Variants in ENO1 observed in about 807,000 individuals in gnomAD.
ENO1 encodes alpha-enolase.
A neutral mutation model predicts 46.3 loss-of-function variants in ENO1; 33 were observed. The observed-to-expected ratio is 0.71, with a 90% CI of 0.54 to 0.95. The LOEUF is 0.95. Among genes scored for constraint, ENO1 ranks in the 40% least tolerant of loss-of-function variants. The probability of loss-of-function intolerance (pLI) is 0.00; values close to 1 mark genes in which losing one functional copy is unlikely to be tolerated. For missense variants in ENO1, 488 were observed against 553.3 expected (o/e 0.88, Z 1.18); for synonymous variants, 220 against 216.0 (o/e 1.02, Z -0.16).
intron 3 of ENO1, chr1:8,871,162 G>C (rs1040816737): frequency 9.0e-7 from 1 of 1,109,970 alleles, no homozygotes; most frequent in Admixed American, 4.9e-5. Context: ...CATTAAAGCG[G>C]GACTGAACAC....
chr1:8,868,061 C>T lies in ENO1; in HGVS notation c.241-4G>A, dbSNP rs749993854. Reference sequence around the variant, plus strand: ...CTTGTTCTGTGACGTTCAGTTTCTACGAGGGAGAGGGGAGAATGAGGGGTT... The same window carrying T: ...CTTGTTCTGTGACGTTCAGTTTCTATGAGGGAGAGGGGAGAATGAGGGGTT... On this transcript the variant is annotated splice_polypyrimidine_tract_variant and splice_region_variant and intron_variant, in intron 4 of 11. Coordinates refer to ENST00000234590, the MANE Select transcript of ENO1 (RefSeq NM_001428.5). 5.6e-6 allele frequency: 9 copies of T among 1,612,742 alleles called. No individual in the cohort carries two copies. The highest frequency in any genetic ancestry group is 4.5e-5 in the East Asian group (2 of 44,862).
At chr1:8,870,221 G>C (rs748051463) in intron 4 of ENO1, 4 of 547,866 alleles carry the variant, frequency 7.3e-6, no homozygotes, top group Middle Eastern at 9.8e-4. Context: ...AGAAACCTCA[G>C]GGCTCGAAGT....
intron 2 of ENO1, 114 bp downstream of exon 2, chr1:8,874,710 C>T: frequency 2.2e-6 from 2 of 912,228 alleles, no homozygotes; most frequent in Non-Finnish European, 3.3e-6. Flanking sequence ...CATGTGCAGA[C>T]AGAAAGAAAA....
chr1:8,875,007 A>G, intron 1 of ENO1, 90 bp from the exon 2 acceptor site: 1 of 1,096,542 alleles, frequency 9.1e-7, no homozygotes, highest in African/African-American at 1.6e-5. Flanking sequence ...AGGTTCGTGG[A>G]CTAGAGAGAA....
At position 8,867,196 on chromosome 1, in the gene ENO1, C is replaced by T; in HGVS notation, c.365G>A (p.Gly122Asp). The T allele has an allele frequency of 6.2e-7, 1 of 1,614,194 alleles. No homozygotes were observed. The highest frequency in any genetic ancestry group is 8.5e-7 in the Non-Finnish European group (1 of 1,180,020). The part of the protein sequence containing the change: ...LGVSLAVCKA[G>D]AVEKGVPLYR... ...CAGGGGGACCCCCTTCTCAACGGCA[C>T]CAGCTTTGCAGACGGCAAGGGACAC... Residue 122 changes from glycine to aspartate, a missense_variant, in exon 6 of 12, where the codon GGT (glycine) becomes GAT (aspartate). By Grantham distance (94) the Gly-to-Asp change is moderately conservative. Transcript: ENST00000234590.
At chr1:8,865,264 T>A in intron 8 of ENO1, 21 bp downstream of exon 8, 1 of 1,611,994 alleles carries the variant, frequency 6.2e-7, no homozygotes. Flanking sequence ...GAAAGGGAGA[T>A]GGCACTCGGG....
In ENO1 at chr1:8,870,438, GAGGCAGGTCCTACCTTGCTAACC is replaced by G. The variant is rs1434027469; in HGVS notation, c.231_240+13del. On this transcript the variant is annotated splice_donor_variant and splice_donor_5th_base_variant and coding_sequence_variant and intron_variant, in exon 4 of 12. Transcript: ENST00000234590. LOFTEE classifies it high-confidence loss of function. ...TGGCATTAGACACATTAGTTATCAG[GAGGCAGGTCCTACCTTGCTAACC>G]AGGGCAGGCGCAATAGTTTTATTGA... 6.2e-7 allele frequency: 1 copy of G among 1,614,194 alleles called. No homozygotes were observed.
intron 3 of ENO1, 61 bp downstream of exon 3, chr1:8,871,830 G>T: frequency 1.3e-6 from 2 of 1,568,940 alleles, no homozygotes; most frequent in South Asian, 1.1e-5. Context: ...GACAGGACTG[G>T]GCAAGGCCAG....
At chr1:8,865,145 T>A (rs1052640247) in intron 8 of ENO1, 140 bp downstream of exon 8, 4 of 1,033,010 alleles carry the variant, frequency 3.9e-6, no homozygotes, top group Middle Eastern at 3.1e-4. Context: ...AACCCAGTGG[T>A]GAATCCCCTA....
chr1:8,872,082 G>A (rs1019861773), intron 2 of ENO1, 96 bp from the exon 3 acceptor site: 1 of 1,036,466 alleles, frequency 9.6e-7, no homozygotes, highest in Admixed American at 1.9e-5. Context: ...TTGTCATTAG[G>A]GAGCTGTTTC....
intron 4 of ENO1, among the ~76,000 whole-genome samples, chr1:8,868,689 T>C (rs777869198): frequency 1.3e-5 from 2 of 152,160 alleles, no homozygotes; most frequent in Non-Finnish European, 2.9e-5. Context: ...TTTAATTTTT[T>C]AATTTTTATT....
chr1:8,870,795 C>G (rs1319063766), intron 3 of ENO1: 1 of 1,399,020 alleles, frequency 7.1e-7, no homozygotes, highest in African/African-American at 1.4e-5. Context: ...GAAACGCCAA[C>G]TGCAGACTAA....
Position 8,870,505 on chromosome 1 carries a change from A to C in ENO1, c.187T>G (p.Ser63Ala). 3 of 1,614,182 alleles carry C rather than the reference A, an allele frequency of 1.9e-6. No homozygotes were observed. The highest frequency in any genetic ancestry group is 2.5e-6 in the Non-Finnish European group (3 of 1,180,032). ...TTATTGATGTGCTCAACAGCCTTTGAGACACCTGGAAGGAACAATCAAATC... is the reference window on the plus strand; with the variant it reads ...TTATTGATGTGCTCAACAGCCTTTGCGACACCTGGAAGGAACAATCAAATC... ...DKTRYMGKGV[S>A]KAVEHINKTI... Residue 63 changes from serine to alanine, a missense_variant, in exon 4 of 12, where the codon TCA becomes GCA. Coordinates refer to ENST00000234590, the MANE Select transcript of ENO1 (RefSeq NM_001428.5).
At chr1:8,865,557 C>T (rs1642494001) in intron 7 of ENO1, 75 bp from the exon 8 acceptor site, 21 of 1,418,648 alleles carry the variant, frequency 1.5e-5, no homozygotes, top group African/African-American at 1.3e-4. Context: ...AGCTGCTACA[C>T]AGGGACTGTA....
intron 1 of ENO1, chr1:8,877,948 C>G (rs1173232770): frequency 3.3e-5 from 5 of 152,226 alleles, no homozygotes; most frequent in African/African-American, 1.2e-4. Flanking sequence ...TCTTGCCCAA[C>G]TTGGGCGAGG....
intron 5 of ENO1, 66 bp downstream of exon 5, chr1:8,867,922 A>G: frequency 7.1e-7 from 1 of 1,409,746 alleles, no homozygotes; most frequent in East Asian, 2.3e-5. Context: ...TCTTCCTGAA[A>G]GGTTTTAAAA....
rs1642389556 is a variant in ENO1 at position 8,861,007 on chromosome 1, AT to A, written c.*352del. The stretch of plus-strand genomic sequence containing the variant: ...ATACACAGGCACACGGAGTATTCTC[AT>A]GGGTCACTGAGGCTTTTTATTTTGA... On this transcript the variant is annotated 3_prime_UTR_variant, in exon 12 of 12. Transcript: ENST00000234590. 1 of 228,492 alleles carries A rather than the reference AT, an allele frequency of 4.4e-6. No homozygotes were observed. The highest frequency in any genetic ancestry group is 2.3e-5 in the African/African-American group (1 of 44,120). 14.2% of individuals were successfully genotyped at this position (228,492 alleles called of 1,614,324 possible).
chr1:8,876,147 T>C (rs970219687), intron 1 of ENO1: 9 of 152,152 alleles, frequency 5.9e-5, no homozygotes, highest in African/African-American at 1.9e-4. Context: ...ACTGAACAAC[T>C]TATAGAACTG....
intron 4 of ENO1, among the ~76,000 whole-genome samples, chr1:8,869,501 G>A (rs1642587814): frequency 6.6e-6 from 1 of 152,098 alleles, no homozygotes; most frequent in East Asian, 1.9e-4. Context: ...TGGAGGAGAG[G>A]GACTAGATTC....
Sources: gnomAD v4.1 joint callset for allele counts (sites outside exome capture counted in the v4.1 genomes callset) on GRCh38, gnomAD v4.1.1 for gene constraint, MANE v1.5 for transcripts, NCBI Gene and HGNC (gene_info 2026-07-23, HGNC 2026-07-21) for gene names.